TNIK: variants seen among roughly 807,000 people sequenced by gnomAD.
The protein encoded by TNIK is TRAF2 and NCK interacting kinase, also known as TRAF2 and NCK-interacting protein kinase.
In TNIK, 49 loss-of-function variants were observed where a neutral mutation model predicts 191.3. The observed-to-expected ratio is 0.26, with a 90% CI of 0.20 to 0.32. The LOEUF (loss-of-function observed/expected upper bound fraction) is 0.32. Among genes scored for constraint, TNIK ranks in the 10% least tolerant of loss-of-function variants. The probability of loss-of-function intolerance (pLI) is 1.00; values close to 1 mark genes in which losing one functional copy is unlikely to be tolerated. For synonymous variants in TNIK, 594 were observed against 600.9 expected (o/e 0.99, Z 0.17); for missense variants, 1,155 against 1,702.3 (o/e 0.68, Z 5.66).
At chr3:171,143,083 A>G (rs1304951678) in intron 12 of TNIK, among the ~76,000 whole-genome samples, 2 of 152,214 alleles carry the variant, frequency 1.3e-5, no homozygotes, top group Non-Finnish European at 1.5e-5. Flanking sequence ...TTTCTGAGAA[A>G]GACACTCAAA....
intron 12 of TNIK, among the ~76,000 whole-genome samples, chr3:171,150,047 G>A (rs115099101): frequency 6.6e-5 from 10 of 151,758 alleles, no homozygotes; most frequent in African/African-American, 2.4e-4. Flanking sequence ...GGTCCAGTGG[G>A]TAGAAATGCT....
rs564058933 is a variant in TNIK at position 171,211,640 on chromosome 3, C to T, written c.181-399G>A. On this transcript the variant is annotated intron_variant, in intron 3 of 32. Transcript: ENST00000436636. ...TGAGGAAAATGAAAGATATTAAAAC[C>T]GTGGGCGCTCAGATTTAAATTTTGT... Among the ~76,000 whole-genome samples the T allele has an allele frequency of 9.9e-5, 15 of 152,188 alleles. No homozygotes were observed. The East Asian group carries it at 1.9e-3, about 20-fold the overall frequency.
intron 2 of TNIK, among the ~76,000 whole-genome samples, chr3:171,288,198 T>C (rs1385297836): frequency 2.1e-5 from 3 of 141,522 alleles, no homozygotes; most frequent in East Asian, 2.2e-4. Flanking sequence ...GGGATAGCAT[T>C]GGGAGATATA....
intron 22 of TNIK, among the ~76,000 whole-genome samples, chr3:171,094,243 T>A (rs1022526798): frequency 6.6e-6 from 1 of 151,992 alleles, no homozygotes; most frequent in African/African-American, 2.4e-5. Context: ...CACGCCATTC[T>A]CCTGCCTCAG....
chr3:171,357,598 A>G (rs961173155), intron 2 of TNIK, among the ~76,000 whole-genome samples: 15 of 133,010 alleles, frequency 1.1e-4, no homozygotes, highest in African/African-American at 4.3e-4. Context: ...CCTACTCTGT[A>G]TTGGTACTAG....
At chr3:171,154,118 G>C (rs6782458) in intron 12 of TNIK, among the ~76,000 whole-genome samples, 1 of 152,088 alleles carries the variant, frequency 6.6e-6, no homozygotes, top group African/African-American at 2.4e-5. Flanking sequence ...AACAACAATT[G>C]AGTCTAACAT....
At chr3:171,088,328 A>AG (rs944119653) in intron 23 of TNIK, among the ~76,000 whole-genome samples, 14 of 150,498 alleles carry the variant, frequency 9.3e-5, no homozygotes, top group Admixed American at 3.3e-4. Flanking sequence ...TCTGCATCCC[A>AG]GGTTCAAGCA....
chr3:171,423,721 A>C (rs1237607947), intron 1 of TNIK, among the ~76,000 whole-genome samples: 1 of 152,228 alleles, frequency 6.6e-6, no homozygotes, highest in Non-Finnish European at 1.5e-5. Context: ...TGACAAAAAC[A>C]AGAAATGGGG....
At chr3:171,455,309 C>T (rs900651151) in intron 1 of TNIK, among the ~76,000 whole-genome samples, 2 of 151,752 alleles carry the variant, frequency 1.3e-5, no homozygotes, top group African/African-American at 2.4e-5. Context: ...GCTGGAGTGC[C>T]GTGACACAAT....
chr3:171,127,316 C>A (rs779494013), intron 16 of TNIK, among the ~76,000 whole-genome samples: 35 of 151,666 alleles, frequency 2.3e-4, no homozygotes, highest in Admixed American at 3.9e-4. Flanking sequence ...CAGAATAGAA[C>A]CTACTGGATT....
intron 7 of TNIK, among the ~76,000 whole-genome samples, chr3:171,187,572 A>G (rs890668623): frequency 6.6e-6 from 1 of 152,194 alleles, no homozygotes; most frequent in East Asian, 1.9e-4. Context: ...CTTAAAAGTG[A>G]AATATTCTTC....
intron 2 of TNIK, among the ~76,000 whole-genome samples, chr3:171,348,259 A>C (rs1712584041): frequency 6.6e-6 from 1 of 152,194 alleles, no homozygotes; most frequent in African/African-American, 2.4e-5. Flanking sequence ...GAAACCATAG[A>C]TTTTGTTTAA....
intron 2 of TNIK, among the ~76,000 whole-genome samples, chr3:171,324,129 C>A (rs191214311): frequency 7.2e-6 from 1 of 138,316 alleles, no homozygotes; most frequent in Non-Finnish European, 1.6e-5. Flanking sequence ...AGAACGTCAC[C>A]CAAATAAAAT....
chr3:171,395,130 C>T (rs1465523604), intron 1 of TNIK, among the ~76,000 whole-genome samples: 1 of 152,078 alleles, frequency 6.6e-6, no homozygotes, highest in East Asian at 1.9e-4. Flanking sequence ...TGAAGTTTAT[C>T]AAAGGGAGAT....
intron 29 of TNIK, 55 bp downstream of exon 29, chr3:171,071,168 G>A (rs1036395399): frequency 1.9e-5 from 27 of 1,419,314 alleles, no homozygotes; most frequent in Non-Finnish European, 2.6e-5. Flanking sequence ...TTATTAATGG[G>A]TAGAAACGGA....
Position 171,237,483 on chromosome 3 carries a change from G to C in TNIK, c.124-9262C>G, listed in dbSNP as rs1202224157. Among the ~76,000 whole-genome samples, 5 of 150,912 alleles carry C rather than the reference G, an allele frequency of 3.3e-5. No individual in the cohort carries two copies. The South Asian group carries it at 1.1e-3, about 32-fold the overall frequency. ...ATGAAATTTAGTGAGCAACTTACTG[G>C]AGTCATAATGATTCCCACGGAAAAA... On this transcript the variant is annotated intron_variant, in intron 2 of 32. Coordinates refer to ENST00000436636, the MANE Select transcript of TNIK (RefSeq NM_015028.4).
intron 1 of TNIK, among the ~76,000 whole-genome samples, chr3:171,444,999 G>A (rs1247513121): frequency 2.0e-5 from 3 of 152,024 alleles, no homozygotes; most frequent in Non-Finnish European, 2.9e-5. Context: ...ACAGGCATGA[G>A]CCACCATGCC....
At chr3:171,225,632 A>C (rs1484061964) in intron 3 of TNIK, 2 of 456,164 alleles carry the variant, frequency 4.4e-6, no homozygotes, top group African/African-American at 2.0e-5. Context: ...AGACTAACTG[A>C]CATTCCTTAA....
chr3:171,220,019 A>T (rs997005581), intron 3 of TNIK, among the ~76,000 whole-genome samples: 1 of 152,176 alleles, frequency 6.6e-6, no homozygotes, highest in Admixed American at 6.5e-5. Context: ...TAGACTGGAT[A>T]AAGAAAATGT....
Sources: allele counts gnomAD v4.1 joint callset (sites outside exome capture counted in the v4.1 genomes callset), GRCh38; gene constraint gnomAD v4.1.1; transcripts MANE v1.5; gene names NCBI Gene and HGNC (gene_info 2026-07-23, HGNC 2026-07-21).